The following USP46 variants were observed in gnomAD, a reference collection of about 807,000 sequenced individuals.
The protein encoded by USP46 is ubiquitin carboxyl-terminal hydrolase 46.
A neutral mutation model predicts 44.4 loss-of-function variants in USP46; 12 were observed. The observed-to-expected ratio is 0.27, with a 90% CI of 0.17 to 0.44. The LOEUF (loss-of-function observed/expected upper bound fraction) is 0.44. USP46 is among the 20% of genes least tolerant of loss of function. USP46 has a pLI of 1.00. For missense variants in USP46, 248 were observed against 444.8 expected (o/e 0.56, Z 3.98); for synonymous variants, 155 against 161.5 (o/e 0.96, Z 0.31).
At chr4:52,630,954 G>C (rs1050866821) in intron 2 of USP46, 110 bp downstream of exon 2, 1 of 886,682 alleles carries the variant, frequency 1.1e-6, no homozygotes, top group African/African-American at 1.7e-5. Context: ...TACTAACTAC[G>C]GAGCATGACC....
rs560615253 is a variant in USP46, at chr4:52,649,280, A to G, written c.36+9835T>C. ...ACTAAAAGAGTGAGAATAATTATGA[A>G]AACTAACAAGCATGAAGGCATCATA... is the stretch of plus-strand genomic sequence containing the variant. On this transcript the variant is annotated intron_variant, in intron 1 of 8. Transcript: ENST00000441222. Among the ~76,000 whole-genome samples the G allele has an allele frequency of 7.9e-5, 12 of 152,352 alleles. No homozygotes were observed. In the South Asian group the frequency reaches 1.5e-3, roughly 18 times the overall value.
chr4:52,598,788 G>T, intron 7 of USP46, 82 bp from the exon 8 acceptor site: 1 of 1,318,662 alleles, frequency 7.6e-7, no homozygotes, highest in South Asian at 1.3e-5. Flanking sequence ...TATAAGCAGT[G>T]ATTCTCTGGG....
chr4:52,641,021 C>T (rs569324563), intron 1 of USP46, among the ~76,000 whole-genome samples: 1 of 151,622 alleles, frequency 6.6e-6, no homozygotes, highest in Non-Finnish European at 1.5e-5. Flanking sequence ...CTGTTGATAT[C>T]CAGCCTGACT....
chr4:52,603,788 G>A (rs570033082), intron 6 of USP46, among the ~76,000 whole-genome samples: 2 of 152,098 alleles, frequency 1.3e-5, no homozygotes. Context: ...GGGCTTAAGT[G>A]ATTCTCCTGC....
rs902485161 is a variant in USP46 at position 52,592,701 on chromosome 4, T to C, written c.*4939A>G. ...TGAAAATACAAAAATTACCCGGGTA[T>C]AGTGGCACATGCCTGTAGTCCCAGC... On this transcript the variant is annotated 3_prime_UTR_variant, in exon 9 of 9. Coordinates refer to ENST00000441222, the MANE Select transcript of USP46 (RefSeq NM_022832.4). 2.6e-6 allele frequency: 1 copy of C among 391,974 alleles called. No individual in the cohort carries two copies. Among genetic ancestry groups the C allele is most frequent in the Non-Finnish European group, 4.5e-6 (1 of 222,632 alleles). The allele number at this position is 391,974 out of a possible 1,614,324, so 24.3% of individuals were successfully genotyped here.
intron 1 of USP46, among the ~76,000 whole-genome samples, chr4:52,642,503 C>A (rs1306252228): frequency 6.6e-6 from 1 of 152,186 alleles, no homozygotes; most frequent in East Asian, 1.9e-4. Flanking sequence ...AACCACAGAA[C>A]TGAAAGAACT....
chr4:52,594,577 CACGTGAATAT>C lies in USP46; in HGVS notation c.*3053_*3062del, dbSNP rs1202297261. On this transcript the variant is annotated 3_prime_UTR_variant, in exon 9 of 9. Transcript: ENST00000441222. ...ACATTTAGTGCACAATATTTTAATA[CACGTGAATAT>C]ACAAAGTTGATCAAAATGCAATGTT... 1 of 152,120 alleles carries C rather than the reference CACGTGAATAT, an allele frequency of 6.6e-6. No homozygotes were observed. Among genetic ancestry groups the C allele is most frequent in the Non-Finnish European group, 1.5e-5 (1 of 68,014 alleles). The allele number at this position is 152,120 out of a possible 1,614,324, so 9.4% of individuals were successfully genotyped here.
intron 1 of USP46, among the ~76,000 whole-genome samples, chr4:52,636,450 G>A (rs1306890493): frequency 2.6e-5 from 4 of 152,056 alleles, no homozygotes; most frequent in Non-Finnish European, 5.9e-5. Flanking sequence ...GCTCACGTCT[G>A]TAATCCTAGC....
rs779773336 is a variant in USP46, at chr4:52,597,733, A to G, written c.1008T>C (p.Asp336=). 7 of 1,594,216 alleles carry G rather than the reference A, an allele frequency of 4.4e-6. No individual in the cohort carries two copies. The East Asian group carries it at 1.6e-4, about 36-fold the overall frequency. ...LFDDDIVEKI[D]AQAIEEFYGL... The stretch of plus-strand genomic sequence containing the variant: ...CATAGAATTCTTCAATAGCTTGAGC[A>G]TCTATTTTCTGCAATAAAGGAGAAA... The change falls in exon 9 of 9, where the codon GAT becomes GAC. Residue 336 remains aspartate, a synonymous_variant. Transcript: ENST00000441222.
At chr4:52,653,057 A>C (rs1718825923) in intron 1 of USP46, among the ~76,000 whole-genome samples, 1 of 152,172 alleles carries the variant, frequency 6.6e-6, no homozygotes, top group South Asian at 2.1e-4. Flanking sequence ...TGATCTTAAA[A>C]CTATCCATTG....
chr4:52,637,054 C>T (rs1013581800), intron 1 of USP46, among the ~76,000 whole-genome samples: 1 of 152,082 alleles, frequency 6.6e-6, no homozygotes, highest in East Asian at 1.9e-4. Context: ...AAGCAACCTG[C>T]CCACCTTGGC....
chr4:52,602,687 A>T (rs1168317225), intron 6 of USP46, among the ~76,000 whole-genome samples: 1 of 152,152 alleles, frequency 6.6e-6, no homozygotes, highest in Non-Finnish European at 1.5e-5. Context: ...AGCACTGGAG[A>T]TGTTAACAGA....
chr4:52,603,011 TG>T (rs1348787413), intron 6 of USP46, among the ~76,000 whole-genome samples: 3 of 152,358 alleles, frequency 2.0e-5, no homozygotes, highest in African/African-American at 7.2e-5. Context: ...CCATTTAGTT[TG>T]TGTACATTTT....
chr4:52,607,454 A>G (rs1420935341), intron 5 of USP46, among the ~76,000 whole-genome samples: 1 of 152,254 alleles, frequency 6.6e-6, no homozygotes, highest in Non-Finnish European at 1.5e-5. Context: ...TTACCAAAGT[A>G]CAGAGCAGAG....
chr4:52,628,490 A>T (rs913396624), intron 2 of USP46: 3 of 224,916 alleles, frequency 1.3e-5, no homozygotes, highest in Admixed American at 1.0e-4. Context: ...AGGGGAAAAA[A>T]ATCTACATAC....
At chr4:52,623,621 A>C (rs1717465228) in intron 4 of USP46, among the ~76,000 whole-genome samples, 1 of 152,190 alleles carries the variant, frequency 6.6e-6, no homozygotes, top group Non-Finnish European at 1.5e-5. Context: ...AAATAGATTA[A>C]TTAAATAAAA....
chr4:52,622,526 A>G (rs908185484), intron 4 of USP46, among the ~76,000 whole-genome samples: 3 of 152,140 alleles, frequency 2.0e-5, no homozygotes, highest in African/African-American at 7.2e-5. Context: ...CTATTTATTA[A>G]TTATTATATG....
intron 1 of USP46, chr4:52,656,248 G>T: frequency 6.5e-7 from 1 of 1,539,448 alleles, no homozygotes; most frequent in Non-Finnish European, 8.8e-7. Context: ...GTCAGTAAGA[G>T]GCCCACAGAG....
intron 5 of USP46, among the ~76,000 whole-genome samples, chr4:52,608,820 G>A (rs1017044518): frequency 6.6e-6 from 1 of 152,152 alleles, no homozygotes; most frequent in African/African-American, 2.4e-5. Context: ...TGGGAGAATG[G>A]GAATTTAAAA....
Sources: gnomAD v4.1 joint callset for allele counts (sites outside exome capture counted in the v4.1 genomes callset) on GRCh38, gnomAD v4.1.1 for gene constraint, MANE v1.5 for transcripts, NCBI Gene and HGNC (gene_info 2026-07-23, HGNC 2026-07-21) for gene names.